CPED1: variants seen among roughly 807,000 people sequenced by gnomAD.
CPED1 encodes the protein cadherin-like and PC-esterase domain-containing protein 1.
Under a neutral mutation model 128.2 loss-of-function variants are expected in CPED1, and 114 were observed. That is an observed-to-expected ratio of 0.89 (90% CI 0.76 to 1.04). The LOEUF is 1.04. Among genes scored for constraint, CPED1 ranks in the 50% least tolerant of loss-of-function variants. CPED1 has a pLI of 0.00. For missense variants in CPED1, 1,211 were observed against 1,207.1 expected (o/e 1.00, Z -0.05); for synonymous variants, 462 against 426.7 (o/e 1.08, Z -1.02).
intron 2 of CPED1, among the ~76,000 whole-genome samples, chr7:121,014,616 T>C (rs1026034569): frequency 1.3e-5 from 2 of 151,776 alleles, no homozygotes; most frequent in Admixed American, 1.3e-4. Context: ...TCTATCAGTA[T>C]GGGAAATAAT....
chr7:121,227,854 A>T (rs1302579392), intron 16 of CPED1, among the ~76,000 whole-genome samples: 1 of 152,094 alleles, frequency 6.6e-6, no homozygotes, highest in Non-Finnish European at 1.5e-5. Flanking sequence ...ACAAATCTAT[A>T]CTAGTTGTGG....
chr7:121,047,138 C>T (rs1793220356), intron 4 of CPED1, 145 bp downstream of exon 4: 4 of 500,936 alleles, frequency 8.0e-6, no homozygotes, highest in Non-Finnish European at 1.4e-5. Context: ...GCCTTATATA[C>T]TTTACCATAA....
intron 22 of CPED1, among the ~76,000 whole-genome samples, chr7:121,292,239 G>A (rs1490372529): frequency 1.3e-5 from 2 of 151,038 alleles, no homozygotes; most frequent in Non-Finnish European, 2.9e-5. Context: ...CTCTAATCTT[G>A]TCTTCATGCT....
At chr7:121,132,398 T>C (rs1409493915) in intron 12 of CPED1, among the ~76,000 whole-genome samples, 1 of 152,058 alleles carries the variant, frequency 6.6e-6, no homozygotes, top group African/African-American at 2.4e-5. Context: ...GTTTTTTCTA[T>C]AGAAAATGTC....
chr7:121,165,171 A>AT (rs1250871568), intron 16 of CPED1, among the ~76,000 whole-genome samples: 1 of 152,220 alleles, frequency 6.6e-6, no homozygotes, highest in Non-Finnish European at 1.5e-5. Flanking sequence ...CAAAAAAGGA[A>AT]AAGTAATATC....
intron 2 of CPED1, among the ~76,000 whole-genome samples, chr7:120,995,422 A>T (rs1007708060): frequency 6.6e-6 from 1 of 152,126 alleles, no homozygotes; most frequent in African/African-American, 2.4e-5. Context: ...CCTCTCTCTG[A>T]TGACACAGGT....
At chr7:121,100,428 G>A (rs928745199) in intron 7 of CPED1, among the ~76,000 whole-genome samples, 2 of 151,990 alleles carry the variant, frequency 1.3e-5, no homozygotes, top group Admixed American at 6.6e-5. Context: ...TATAGTCAAG[G>A]CAACAAATGA....
At chr7:121,093,763 C>T (rs1794632522) in intron 5 of CPED1, among the ~76,000 whole-genome samples, 1 of 152,154 alleles carries the variant, frequency 6.6e-6, no homozygotes, top group Admixed American at 6.5e-5. Context: ...AATGCTTTTG[C>T]CTGGTTCTGG....
chr7:121,109,065 C>T (rs1795047156), intron 7 of CPED1, among the ~76,000 whole-genome samples: 1 of 152,076 alleles, frequency 6.6e-6, no homozygotes, highest in African/African-American at 2.4e-5. Flanking sequence ...TTGATTACAA[C>T]CTGAGCCTCA....
chr7:121,079,846 T>C (rs768367571), intron 5 of CPED1, among the ~76,000 whole-genome samples: 2 of 152,234 alleles, frequency 1.3e-5, no homozygotes, highest in Non-Finnish European at 2.9e-5. Flanking sequence ...CCTATTTCAC[T>C]TAGAGAGTTT....
In CPED1 at chr7:121,001,660, T is replaced by C. The variant is rs943537184; in HGVS notation, c.249+11790T>C. ...ACAAACTGTTAAATTAGTTCATGTA[T>C]CTGAAACAGATCCTGCCGTGACCCA... On this transcript the variant is annotated intron_variant, in intron 2 of 22. Coordinates refer to ENST00000310396, the MANE Select transcript of CPED1 (RefSeq NM_024913.5). 7.2e-5 allele frequency among the ~76,000 whole-genome samples: 11 copies of C among 152,286 alleles called. No homozygotes were observed. In the East Asian group the frequency reaches 2.1e-3, roughly 29 times the overall value.
At chr7:121,129,296 TATATATATATATATAC>T (rs1365946566) in intron 11 of CPED1, among the ~76,000 whole-genome samples, 2 of 6,120 alleles carry the variant, frequency 3.3e-4, no homozygotes, top group Non-Finnish European at 1.6e-3. Flanking sequence ...TGTATATATA[TATATATATATATATAC>T]GTATATATAT....
At chr7:121,247,186 T>G (rs984507189) in intron 18 of CPED1, among the ~76,000 whole-genome samples, 1 of 152,212 alleles carries the variant, frequency 6.6e-6, no homozygotes, top group Non-Finnish European at 1.5e-5. Context: ...AAAGCAATTA[T>G]AGACTATATC....
chr7:121,293,891 GA>G (rs1792766049), intron 22 of CPED1, among the ~76,000 whole-genome samples: 1 of 152,050 alleles, frequency 6.6e-6, no homozygotes, highest in South Asian at 2.1e-4. Flanking sequence ...TGGAAATGCA[GA>G]AATCACCTGC....
chr7:121,189,448 T>C (rs895636013), intron 16 of CPED1, among the ~76,000 whole-genome samples: 2 of 151,564 alleles, frequency 1.3e-5, no homozygotes, highest in Non-Finnish European at 2.9e-5. Flanking sequence ...GTGCCACACA[T>C]CAGTTCTCAT....
rs748473799 is a variant in CPED1, at chr7:121,008,101, A to G, written c.250-7564A>G. On this transcript the variant is annotated intron_variant, in intron 2 of 22. Coordinates refer to ENST00000310396, the MANE Select transcript of CPED1 (RefSeq NM_024913.5). ...TAAAAGTCTCGCCTTCTGAAATTCT[A>G]TCAGGGTACTCATCCATCCAGAAAA... is the stretch of plus-strand genomic sequence containing the variant. Among the ~76,000 whole-genome samples, 2 of 151,996 alleles carry G rather than the reference A, an allele frequency of 1.3e-5. 1 individual carries two copies. Among genetic ancestry groups the G allele is most frequent in the African/African-American group, 4.8e-5 (2 of 41,340 alleles).
chr7:121,208,281 T>C (rs1012250506), intron 16 of CPED1, among the ~76,000 whole-genome samples: 1 of 152,052 alleles, frequency 6.6e-6, no homozygotes, highest in Non-Finnish European at 1.5e-5. Flanking sequence ...ATAGTACTAA[T>C]ACCAGATAAA....
rs140999618 is a variant in CPED1 at position 121,255,605 on chromosome 7, G to GA, written c.2311-10615dup. 4.6e-3 allele frequency among the ~76,000 whole-genome samples: 694 copies of GA among 151,782 alleles called. 5 individuals carry two copies. The highest frequency in any genetic ancestry group is 0.016 in the African/African-American group (665 of 41,464). On this transcript the variant is annotated intron_variant, in intron 18 of 22. Transcript: ENST00000310396. ...AAAGAAATAAATGGCATCAAAATAG[G>GA]AAAAAAAGTCAAACTAACTCTCTTT...
rs73438259 is a variant in CPED1 at position 121,262,102 on chromosome 7, A to G, written c.2311-4125A>G. On this transcript the variant is annotated intron_variant, in intron 18 of 22. Coordinates refer to ENST00000310396, the MANE Select transcript of CPED1 (RefSeq NM_024913.5). Reference sequence around the variant, plus strand: ...GAGTTCTTGCTTGTTAGTTCACATGAAAGCTGGTCATTTAAAAGAGCCTGG... The same window carrying G: ...GAGTTCTTGCTTGTTAGTTCACATGGAAGCTGGTCATTTAAAAGAGCCTGG... 7.6e-3 allele frequency among the ~76,000 whole-genome samples: 1,162 copies of G among 151,992 alleles called. 16 individuals carry two copies. The highest frequency in any genetic ancestry group is 0.026 in the African/African-American group (1,064 of 41,454).
Sources: gnomAD v4.1 joint callset for allele counts (sites outside exome capture counted in the v4.1 genomes callset) on GRCh38, gnomAD v4.1.1 for gene constraint, MANE v1.5 for transcripts, NCBI Gene and HGNC (gene_info 2026-07-23, HGNC 2026-07-21) for gene names.